The following CCDC69 variants were observed in gnomAD, a reference collection of about 807,000 sequenced individuals.
CCDC69 encodes coiled-coil domain containing 69, also known as coiled-coil domain-containing protein 69.
A neutral mutation model predicts 40.3 loss-of-function variants in CCDC69; 38 were observed. The ratio of observed to expected loss-of-function variants is 0.94; its 90% CI spans 0.73 to 1.24. The LOEUF (loss-of-function observed/expected upper bound fraction) is 1.24. CCDC69 is among the 50% of genes most tolerant of loss of function. CCDC69 has a pLI of 0.00. For missense variants in CCDC69, 389 were observed against 357.9 expected (o/e 1.09, Z -0.70); for synonymous variants, 141 against 138.9 (o/e 1.02, Z -0.11).
chr5:151,199,516 C>T (rs992956231), intron 3 of CCDC69, among the ~76,000 whole-genome samples: 3 of 152,188 alleles, frequency 2.0e-5, no homozygotes, highest in African/African-American at 4.8e-5. Flanking sequence ...AGCATAGTGG[C>T]CCATATTCCC....
chr5:151,194,618 G>A (rs948819371), intron 4 of CCDC69, among the ~76,000 whole-genome samples: 5 of 152,140 alleles, frequency 3.3e-5, no homozygotes, highest in African/African-American at 4.8e-5. Context: ...CATGCGGCAG[G>A]GCGCGGTGGC....
intron 4 of CCDC69, among the ~76,000 whole-genome samples, chr5:151,187,817 A>G (rs887743012): frequency 3.3e-5 from 5 of 152,328 alleles, no homozygotes; most frequent in South Asian, 2.1e-4. Flanking sequence ...TGCTTTGTAA[A>G]CTGGATTAGC....
intron 4 of CCDC69, among the ~76,000 whole-genome samples, chr5:151,187,795 T>C (rs192440439): frequency 6.6e-6 from 1 of 152,260 alleles, no homozygotes; most frequent in African/African-American, 2.4e-5. Context: ...CCACGGAAAA[T>C]GCATAGGACA....
chr5:151,185,980 T>G, intron 6 of CCDC69, 43 bp downstream of exon 6: 5 of 1,393,438 alleles, frequency 3.6e-6, no homozygotes, highest in Non-Finnish European at 5.1e-6. Context: ...CTGACCTCCC[T>G]GGAGATTCAA....
chr5:151,203,665 A>C (rs1033994594), intron 2 of CCDC69, among the ~76,000 whole-genome samples: 18 of 140,198 alleles, frequency 1.3e-4, no homozygotes, highest in Non-Finnish European at 2.6e-4. Flanking sequence ...TTTAGTATAT[A>C]TAAAAAATAG....
At position 151,182,859 on chromosome 5, in the gene CCDC69, T is replaced by C. The variant is rs184527148; in HGVS notation, c.*578A>G. The C allele has an allele frequency of 4.9e-3, 1,754 of 358,294 alleles. 10 individuals carry two copies. The highest frequency in any genetic ancestry group is 6.5e-3 in the Non-Finnish European group (1,168 of 180,254). 22.2% of individuals were successfully genotyped at this position (358,294 alleles called of 1,614,324 possible). ...GAGACCCCCTCTCTACCACTCACCT[T>C]CCCCACTCTGATTTGCGGGGTTTGT... On this transcript the variant is annotated 3_prime_UTR_variant, in exon 9 of 9. Transcript: ENST00000355417.
intron 1 of CCDC69, among the ~76,000 whole-genome samples, chr5:151,209,214 C>T (rs890376075): frequency 3.3e-5 from 5 of 152,220 alleles, no homozygotes; most frequent in African/African-American, 1.2e-4. Context: ...AATAATGCAA[C>T]TGCAGTGTCT....
chr5:151,218,609 T>G (rs166039), intron 1 of CCDC69, among the ~76,000 whole-genome samples: 1 of 152,112 alleles, frequency 6.6e-6, no homozygotes, highest in African/African-American at 2.4e-5. Flanking sequence ...GGCTGATCTA[T>G]GCACCCTGAG....
chr5:151,206,301 T>G (rs550976388), intron 1 of CCDC69, among the ~76,000 whole-genome samples: 2 of 152,296 alleles, frequency 1.3e-5, no homozygotes, highest in South Asian at 4.1e-4. Context: ...TCCAGGAACC[T>G]CCATGTGTTC....
rs2113981951 is a variant in CCDC69, at chr5:151,181,819, G to A, written c.*1618C>T. 1 of 152,316 alleles carries A rather than the reference G, an allele frequency of 6.6e-6. No individual in the cohort carries two copies. The highest frequency in any genetic ancestry group is 1.9e-4 in the East Asian group (1 of 5,186). 9.4% of individuals were successfully genotyped at this position (152,316 alleles called of 1,614,324 possible). Reference sequence around the variant, plus strand: ...AAGCTTCATGAAAAAGTACACATGTGATTCCCTCCAGGGCTTTCCTCGAGG... The same window carrying A: ...AAGCTTCATGAAAAAGTACACATGTAATTCCCTCCAGGGCTTTCCTCGAGG... On this transcript the variant is annotated 3_prime_UTR_variant, in exon 9 of 9. Transcript: ENST00000355417.
chr5:151,200,239 A>G lies in CCDC69; in HGVS notation c.232-1155T>C, dbSNP rs190654334. Among the ~76,000 whole-genome samples, 597 of 152,106 alleles carry G rather than the reference A, an allele frequency of 3.9e-3. 4 individuals carry two copies. The highest frequency in any genetic ancestry group is 0.014 in the African/African-American group (574 of 41,476). On this transcript the variant is annotated intron_variant, in intron 3 of 8. Transcript: ENST00000355417. ...CTGCAACCTCTGCCTCCCAGGTTCA[A>G]GTGATTCTCCTGCCTCAGCTTCCCA...
chr5:151,185,966 G>A (rs898998766), intron 6 of CCDC69, 57 bp downstream of exon 6: 34 of 1,204,330 alleles, frequency 2.8e-5, no homozygotes, highest in Middle Eastern at 4.1e-4. Flanking sequence ...CCTGTTGCCC[G>A]GCCCTGACCT....
At chr5:151,201,765 T>G (rs1752780104) in intron 2 of CCDC69, 77 bp from the exon 3 acceptor site, 1 of 898,602 alleles carries the variant, frequency 1.1e-6, no homozygotes, top group Non-Finnish European at 1.7e-6. Flanking sequence ...GCAGAGAGAG[T>G]GTGGGAAATG....
chr5:151,183,556 G>T lies in CCDC69; in HGVS notation c.772C>A (p.Arg258=). The T allele has an allele frequency of 2.5e-6, 4 of 1,611,672 alleles. No homozygotes were observed. Among genetic ancestry groups the T allele is most frequent in the Non-Finnish European group, 3.4e-6 (4 of 1,179,276 alleles). The part of the protein sequence containing the change: ...REALEKEVQL[R]RQLQQEKEEL... Reference sequence around the variant, plus strand: ...TCCTTCTCCTGCTGGAGCTGTCGCCGCAGCTGCACCTCCTTCTCCAGGGCC... The same window carrying T: ...TCCTTCTCCTGCTGGAGCTGTCGCCTCAGCTGCACCTCCTTCTCCAGGGCC... Residue 258 remains arginine (R), a synonymous_variant, in exon 9 of 9, where the codon CGG becomes AGG. Coordinates refer to ENST00000355417, the MANE Select transcript of CCDC69 (RefSeq NM_015621.3).
intron 1 of CCDC69, among the ~76,000 whole-genome samples, chr5:151,223,364 C>T (rs1199539606): frequency 6.6e-6 from 1 of 152,228 alleles, no homozygotes; most frequent in Non-Finnish European, 1.5e-5. Flanking sequence ...CTGCAAGAGC[C>T]CTAAGACCAG....
chr5:151,181,900 C>T lies in CCDC69; in HGVS notation c.*1537G>A, dbSNP rs1263848028. Reference sequence around the variant, plus strand: ...AGAATCAGCACAGCACTCCCCTAGCCTCACCTCTTCCCCCATTTGGCTGTG... The same window carrying T: ...AGAATCAGCACAGCACTCCCCTAGCTTCACCTCTTCCCCCATTTGGCTGTG... On this transcript the variant is annotated 3_prime_UTR_variant, in exon 9 of 9. Coordinates refer to ENST00000355417, the MANE Select transcript of CCDC69 (RefSeq NM_015621.3). 6.6e-6 allele frequency: 1 copy of T among 152,378 alleles called. No individual in the cohort carries two copies. The allele number at this position is 152,378 out of a possible 1,614,324, so 9.4% of individuals were successfully genotyped here. A position where few individuals can be genotyped will look rare whatever the true frequency, so the allele number is the denominator to read the frequency against.
At chr5:151,199,152 A>C in intron 3 of CCDC69, 68 bp from the exon 4 acceptor site, 2 of 1,287,276 alleles carry the variant, frequency 1.6e-6, no homozygotes, top group Non-Finnish European at 2.2e-6. Flanking sequence ...TTATCCCCTC[A>C]CCTGGGCCTA....
intron 4 of CCDC69, 138 bp downstream of exon 4, chr5:151,198,859 T>G (rs961389619): frequency 1.4e-6 from 1 of 710,116 alleles, no homozygotes; most frequent in African/African-American, 1.7e-5. Context: ...GGGCCAAGGA[T>G]CCTGTAGATT....
chr5:151,208,367 G>A (rs1362768582), intron 1 of CCDC69, among the ~76,000 whole-genome samples: 1 of 152,258 alleles, frequency 6.6e-6, no homozygotes, highest in African/African-American at 2.4e-5. Context: ...TAGAAAGCAT[G>A]CTTCTCACTG....
Sources: gnomAD v4.1 joint callset for allele counts (sites outside exome capture counted in the v4.1 genomes callset) on GRCh38, gnomAD v4.1.1 for gene constraint, MANE v1.5 for transcripts, NCBI Gene and HGNC (gene_info 2026-07-23, HGNC 2026-07-21) for gene names.